RYR2: variants seen among roughly 807,000 people sequenced by gnomAD.
RYR2 encodes ryanodine receptor 2, also known as cardiac muscle ryanodine receptor-calcium release channel.
A neutral mutation model predicts 601.1 loss-of-function variants in RYR2; 227 were observed. That is an observed-to-expected ratio of 0.38 (90% confidence interval 0.34 to 0.42). RYR2 has a LOEUF of 0.42. Ranked by LOEUF, RYR2 falls within the 10% of genes least tolerant of loss-of-function variation. RYR2 has a pLI of 1.00. For synonymous variants in RYR2, 2,223 were observed against 2,175.1 expected, an observed-to-expected ratio of 1.02 and a Z score of -0.61; for missense variants, 4,646 against 6,156.5, an observed-to-expected ratio of 0.75 and a Z score of 8.21.
chr1:237,114,233 A>C (rs892599900), intron 1 of RYR2, among the ~76,000 whole-genome samples: 1 of 152,216 alleles, frequency 6.6e-6, no homozygotes, highest in Non-Finnish European at 1.5e-5. Context: ...CCTGGTCAAT[A>C]TTACTAGGAT....
At chr1:237,204,354 A>G (rs541858400) in intron 1 of RYR2, among the ~76,000 whole-genome samples, 131 of 152,194 alleles carry the variant, frequency 8.6e-4, no homozygotes, top group African/African-American at 3.1e-3. Context: ...TTTGATTCCC[A>G]TATCCTCTGT....
At chr1:237,232,483 T>C (rs972198536) in intron 1 of RYR2, among the ~76,000 whole-genome samples, 2 of 152,232 alleles carry the variant, frequency 1.3e-5, no homozygotes, top group African/African-American at 4.8e-5. Context: ...CCTCATACCT[T>C]ACCCTATGCA....
intron 100 of RYR2, among the ~76,000 whole-genome samples, chr1:237,811,601 A>G (rs1373859577): frequency 6.6e-6 from 1 of 152,360 alleles, no homozygotes; most frequent in Non-Finnish European, 1.5e-5. Context: ...TTGGGGATAC[A>G]TAATAGCTTG....
chr1:237,677,676 TTACACTC>T (rs1182842305), intron 60 of RYR2, among the ~76,000 whole-genome samples: 5 of 152,146 alleles, frequency 3.3e-5, no homozygotes, highest in African/African-American at 1.2e-4. Flanking sequence ...TTTATTCAAT[TTACACTC>T]ACTGTCCTCT....
At chr1:237,768,163 G>GA (rs908940770) in intron 84 of RYR2, among the ~76,000 whole-genome samples, 1 of 152,046 alleles carries the variant, frequency 6.6e-6, no homozygotes, top group African/African-American at 2.4e-5. Flanking sequence ...TTATTTCCAA[G>GA]AAAAAAATGT....
chr1:237,831,658 G>GAA, intron 104 of RYR2, 93 bp downstream of exon 104: 1 of 725,950 alleles, frequency 1.4e-6, no homozygotes, highest in Non-Finnish European at 2.3e-6. Flanking sequence ...GTGAGGCACG[G>GAA]AATTACTTTC....
intron 1 of RYR2, among the ~76,000 whole-genome samples, chr1:237,141,410 C>T (rs1002427052): frequency 6.6e-6 from 1 of 152,112 alleles, no homozygotes; most frequent in Non-Finnish European, 1.5e-5. Context: ...TGTTTTGATC[C>T]AGTCCTCTGA....
At chr1:237,624,573 A>T (rs1679441228) in intron 39 of RYR2, among the ~76,000 whole-genome samples, 1 of 152,222 alleles carries the variant, frequency 6.6e-6, no homozygotes, top group East Asian at 1.9e-4. Context: ...TATTTAAAGC[A>T]GTTGAGGGTG....
rs531846604 is a variant in RYR2, at chr1:237,643,461, C to G, written c.7342+14C>G. On this transcript the variant is annotated intron_variant, in intron 48 of 104. Coordinates refer to ENST00000366574, the MANE Select transcript of RYR2 (RefSeq NM_001035.3). The stretch of plus-strand genomic sequence containing the variant: ...CAATAGCCAAAGGTAAGGCCAACTT[C>G]AATTTGTCCTAATTCAGTAGGATGT... The G allele has an allele frequency of 5.6e-6, 9 of 1,613,736 alleles. No individual in the cohort carries two copies. In the South Asian group the frequency reaches 9.9e-5, roughly 18 times the overall value.
intron 2 of RYR2, among the ~76,000 whole-genome samples, chr1:237,307,059 A>G (rs59608377): frequency 0.054 from 8,237 of 152,262 alleles, 453 homozygotes; most frequent in African/African-American, 0.14. Context: ...TTTCTCCATT[A>G]TATGTCCTCT....
At position 237,129,351 on chromosome 1, in the gene RYR2, A is replaced by T. The variant is rs80202103; in HGVS notation, c.48+86782A>T. On this transcript the variant is annotated intron_variant, in intron 1 of 104. Coordinates refer to ENST00000366574, the MANE Select transcript of RYR2 (RefSeq NM_001035.3). ...AAGAAGCCCAGATAAAGTCTTTGAA[A>T]AAATCTACTTGAAGACAGATGTTAG... is the stretch of plus-strand genomic sequence containing the variant. Among the ~76,000 whole-genome samples, 1,114 of 152,332 alleles carry T rather than the reference A, an allele frequency of 7.3e-3. 9 individuals are homozygous for T. The highest frequency in any genetic ancestry group is 0.02 in the Middle Eastern group (6 of 294).
intron 101 of RYR2, among the ~76,000 whole-genome samples, chr1:237,823,028 A>G (rs1049278502): frequency 5.9e-5 from 9 of 152,232 alleles, no homozygotes; most frequent in African/African-American, 2.2e-4. Context: ...ACCCAGATGC[A>G]TAAAGCAAGT....
At chr1:237,408,420 T>C (rs1704124514) in intron 10 of RYR2, among the ~76,000 whole-genome samples, 2 of 82,188 alleles carry the variant, frequency 2.4e-5, no homozygotes, top group East Asian at 3.0e-4. Context: ...GGATATCCAG[T>C]CTTTTCAGTA....
At chr1:237,724,557 A>G (rs1353034988) in intron 74 of RYR2, among the ~76,000 whole-genome samples, 3 of 151,952 alleles carry the variant, frequency 2.0e-5, no homozygotes, top group Non-Finnish European at 2.9e-5. Flanking sequence ...TATTTACGTT[A>G]TCTAATACCT....
chr1:237,417,359 C>T (rs1163751375), intron 11 of RYR2, among the ~76,000 whole-genome samples: 1 of 152,120 alleles, frequency 6.6e-6, no homozygotes, highest in Non-Finnish European at 1.5e-5. Context: ...TTTGTACAGT[C>T]TGCTTTTGTC....
intron 1 of RYR2, among the ~76,000 whole-genome samples, chr1:237,114,212 G>T (rs1270995157): frequency 6.6e-6 from 1 of 152,178 alleles, no homozygotes; most frequent in Non-Finnish European, 1.5e-5. Context: ...GATTCCCAAG[G>T]ACACACTTGG....
At chr1:237,823,380 T>A (rs560025886) in intron 101 of RYR2, among the ~76,000 whole-genome samples, 15 of 152,212 alleles carry the variant, frequency 9.9e-5, no homozygotes, top group African/African-American at 3.6e-4. Context: ...GAACCTCACT[T>A]AAAACTGCAC....
At chr1:237,406,736 T>G (rs987736956) in intron 10 of RYR2, among the ~76,000 whole-genome samples, 2 of 152,188 alleles carry the variant, frequency 1.3e-5, no homozygotes, top group African/African-American at 2.4e-5. Context: ...TATTATACAC[T>G]TTTAGGTTTA....
At chr1:237,364,393 T>C (rs750814597) in intron 5 of RYR2, 21 bp downstream of exon 5, 3 of 1,420,914 alleles carry the variant, frequency 2.1e-6, no homozygotes, top group African/African-American at 1.4e-5. Context: ...TTAATATATA[T>C]GCTATGTATA....
Sources: gnomAD v4.1 joint callset for allele counts (sites outside exome capture counted in the v4.1 genomes callset) on GRCh38, gnomAD v4.1.1 for gene constraint, MANE v1.5 for transcripts, NCBI Gene and HGNC (gene_info 2026-07-23, HGNC 2026-07-21) for gene names.